Variants in RBFOX3 observed in about 807,000 individuals in gnomAD.
RBFOX3 encodes the protein RNA binding protein fox-1 homolog 3.
A neutral mutation model predicts 48.7 loss-of-function variants in RBFOX3; 17 were observed. The observed-to-expected ratio is 0.35, with a 90% CI of 0.24 to 0.52. RBFOX3 has a LOEUF of 0.52. RBFOX3 is among the 20% of genes least tolerant of loss of function. RBFOX3 has a pLI of 0.94. For missense variants in RBFOX3, 382 were observed against 497.5 expected, an observed-to-expected ratio of 0.77 and a Z score of 2.21; for synonymous variants, 212 against 209.5, an observed-to-expected ratio of 1.01 and a Z score of -0.10.
intron 2 of RBFOX3, among the ~76,000 whole-genome samples, chr17:79,416,843 C>A (rs1201961941): frequency 6.6e-6 from 1 of 152,242 alleles, no homozygotes; most frequent in Non-Finnish European, 1.5e-5. Context: ...GTCTGCAGGG[C>A]AAACTGTGGG....
chr17:79,380,339 C>CT (rs2059748239), intron 2 of RBFOX3, among the ~76,000 whole-genome samples: 1 of 152,254 alleles, frequency 6.6e-6, no homozygotes, highest in Non-Finnish European at 1.5e-5. Flanking sequence ...TTAACAAAGT[C>CT]TTTTTTAATT....
intron 3 of RBFOX3, among the ~76,000 whole-genome samples, chr17:79,305,221 G>A (rs36065490): frequency 0.029 from 4,371 of 151,648 alleles, 125 homozygotes; most frequent in South Asian, 0.15. Context: ...TTGCCTGTGT[G>A]GGGGGGAAAG....
At chr17:79,147,087 C>A (rs2043192133) in intron 4 of RBFOX3, among the ~76,000 whole-genome samples, 1 of 152,210 alleles carries the variant, frequency 6.6e-6, no homozygotes, top group Non-Finnish European at 1.5e-5. Flanking sequence ...GTGCCAGGTT[C>A]CCAGCCTGCT....
chr17:79,091,696 G>A (rs1026259205), intron 14 of RBFOX3, among the ~76,000 whole-genome samples: 7 of 152,282 alleles, frequency 4.6e-5, no homozygotes, highest in South Asian at 2.1e-4. Flanking sequence ...CCCTCCTTCC[G>A]GAATATACCC....
intron 4 of RBFOX3, among the ~76,000 whole-genome samples, chr17:79,188,766 A>G (rs2053917954): frequency 6.6e-6 from 1 of 152,150 alleles, no homozygotes; most frequent in Non-Finnish European, 1.5e-5. Flanking sequence ...CGAGCTCTAC[A>G]CCGAGCAAAA....
At chr17:79,468,529 A>C (rs1376355039) in intron 2 of RBFOX3, among the ~76,000 whole-genome samples, 1 of 152,204 alleles carries the variant, frequency 6.6e-6, no homozygotes, top group African/African-American at 2.4e-5. Context: ...AGGTAGATAG[A>C]TCGGTAGCAG....
chr17:79,353,711 G>C (rs563794839), intron 2 of RBFOX3, among the ~76,000 whole-genome samples: 1 of 152,184 alleles, frequency 6.6e-6, no homozygotes, highest in East Asian at 1.9e-4. Flanking sequence ...TGACCTCCTC[G>C]GTCTCAGCCA....
intron 1 of RBFOX3, among the ~76,000 whole-genome samples, chr17:79,547,606 C>A (rs1463979690): frequency 6.6e-6 from 1 of 152,214 alleles, no homozygotes; most frequent in East Asian, 1.9e-4. Flanking sequence ...CAAACACACA[C>A]CCCCAGCACA....
At chr17:79,578,047 C>T (rs1378302510) in intron 1 of RBFOX3, among the ~76,000 whole-genome samples, 1 of 152,272 alleles carries the variant, frequency 6.6e-6, no homozygotes, top group Non-Finnish European at 1.5e-5. Flanking sequence ...AGTGTCCTCA[C>T]TTCCTCGGCC....
chr17:79,320,616 T>G (rs761599164), intron 2 of RBFOX3, among the ~76,000 whole-genome samples: 2 of 152,118 alleles, frequency 1.3e-5, no homozygotes, highest in Non-Finnish European at 2.9e-5. Flanking sequence ...CCCTCCAAAA[T>G]CCTTTGCAAC....
At chr17:79,339,695 G>A (rs2081756484) in intron 2 of RBFOX3, among the ~76,000 whole-genome samples, 1 of 152,214 alleles carries the variant, frequency 6.6e-6, no homozygotes, top group African/African-American at 2.4e-5. Flanking sequence ...GCTGGGAGAC[G>A]ATAACTCGGG....
chr17:79,380,639 G>A, intron 2 of RBFOX3, among the ~76,000 whole-genome samples: 1 of 152,214 alleles, frequency 6.6e-6, no homozygotes, highest in East Asian at 1.9e-4. Flanking sequence ...CTCAGGAGAA[G>A]GGGCTGGAAA....
intron 1 of RBFOX3, among the ~76,000 whole-genome samples, chr17:79,540,389 G>A (rs1473677874): frequency 5.3e-5 from 8 of 152,218 alleles, no homozygotes; most frequent in East Asian, 1.9e-4. Flanking sequence ...ACAAATGAAC[G>A]GCGGAGGCCC....
At chr17:79,629,081 C>G in the RBFOX3 span, among the ~76,000 whole-genome samples, 31 of 152,358 alleles carry the variant, frequency 2.0e-4, no homozygotes, top group African/African-American at 6.5e-4. Context: ...GAGGGGCCCA[C>G]AGGCACGAGC....
intron 1 of RBFOX3, among the ~76,000 whole-genome samples, chr17:79,501,316 A>G (rs2082352919): frequency 6.6e-6 from 1 of 152,098 alleles, no homozygotes; most frequent in Non-Finnish European, 1.5e-5. Flanking sequence ...ACACCTCCAC[A>G]TGTCCAGCGG....
the RBFOX3 span, among the ~76,000 whole-genome samples, chr17:79,631,087 G>C: frequency 6.6e-6 from 1 of 152,116 alleles, no homozygotes; most frequent in Non-Finnish European, 1.5e-5. Context: ...GATTAACCAG[G>C]GTGATTTCTA....
the RBFOX3 span, among the ~76,000 whole-genome samples, chr17:79,662,516 G>A: frequency 2.4e-4 from 36 of 152,188 alleles, no homozygotes; most frequent in Non-Finnish European, 4.0e-4. Context: ...CCTCCTTAAC[G>A]GGACCGCCTT....
intron 1 of RBFOX3, among the ~76,000 whole-genome samples, chr17:79,559,580 TG>T (rs1387210411): frequency 6.4e-5 from 6 of 93,310 alleles, no homozygotes; most frequent in East Asian, 3.6e-4. Context: ...GGTGAGTGGG[TG>T]GGGGGGTGGA....
intron 1 of RBFOX3, among the ~76,000 whole-genome samples, chr17:79,529,756 C>T (rs1555786831): frequency 6.6e-6 from 1 of 152,172 alleles, no homozygotes; most frequent in Non-Finnish European, 1.5e-5. Context: ...AAGGAAGGGT[C>T]GAGGGCACTG....
Sources: allele counts gnomAD v4.1 joint callset (sites outside exome capture counted in the v4.1 genomes callset), GRCh38; gene constraint gnomAD v4.1.1; transcripts MANE v1.5; gene names NCBI Gene and HGNC (gene_info 2026-07-23, HGNC 2026-07-21).